EP400: variants seen among roughly 807,000 people sequenced by gnomAD.
The protein encoded by EP400 is E1A-binding protein p400.
Under a neutral mutation model 354.1 loss-of-function variants are expected in EP400, and 105 were observed. The observed-to-expected ratio is 0.30, with a 90% CI of 0.25 to 0.35. EP400 has a LOEUF of 0.35. EP400 is among the 10% of genes least tolerant of loss of function. The probability of loss-of-function intolerance (pLI) is 1.00; values close to 1 mark genes in which losing one functional copy is unlikely to be tolerated. For missense variants in EP400, 3,280 were observed against 4,121.0 expected, an observed-to-expected ratio of 0.80 and a Z score of 5.59; for synonymous variants, 1,646 against 1,716.9, an observed-to-expected ratio of 0.96 and a Z score of 1.02.
chr12:131,950,802 G>C lies in EP400; in HGVS notation c.-36+766G>C, dbSNP rs1242868597. Among the ~76,000 whole-genome samples, 8 of 152,364 alleles carry C rather than the reference G, an allele frequency of 5.3e-5. No individual in the cohort carries two copies. The East Asian group carries it at 1.5e-3, about 29-fold the overall frequency. On this transcript the variant is annotated intron_variant, in intron 1 of 52. Coordinates refer to ENST00000389561, the MANE Select transcript of EP400 (RefSeq NM_015409.5). ...GGGGTCTCGCTCTGTTGCCCAGGTT[G>C]GCGTGCAGTGGCGCGATGACGGCTC...
rs1010614425 is a variant in EP400 at position 132,071,089 on chromosome 12, C to G, written c.9021+1448C>G. Among the ~76,000 whole-genome samples the G allele has an allele frequency of 2.0e-4, 31 of 152,192 alleles. 1 individual carries two copies. Among genetic ancestry groups the G allele is most frequent in the Admixed American group, 2.0e-3 (31 of 15,272 alleles). Reference sequence around the variant, plus strand: ...GCAGCACAGTGGTGAATGTCAGAGTCCGTATTTCACTGTGAAGTAGGGTGT... The same window carrying G: ...GCAGCACAGTGGTGAATGTCAGAGTGCGTATTTCACTGTGAAGTAGGGTGT... On this transcript the variant is annotated intron_variant, in intron 51 of 52. Transcript: ENST00000389561.
chr12:131,986,881 T>C, intron 6 of EP400, 74 bp downstream of exon 6: 1 of 1,506,302 alleles, frequency 6.6e-7, no homozygotes. Flanking sequence ...GTCAAGAATG[T>C]GATGGCGTAA....
intron 2 of EP400, among the ~76,000 whole-genome samples, chr12:131,979,193 C>T (rs924020154): frequency 2.2e-4 from 32 of 144,324 alleles, no homozygotes; most frequent in Admixed American, 1.3e-3. Context: ...GCCTGGGTGA[C>T]AGAGCGAGAC....
At chr12:131,960,019 G>A (rs939938631) in intron 1 of EP400, among the ~76,000 whole-genome samples, 3 of 152,234 alleles carry the variant, frequency 2.0e-5, no homozygotes, top group African/African-American at 4.8e-5. Flanking sequence ...TTCTGGCGAG[G>A]TGGTGCTGCA....
chr12:131,970,896 T>C (rs1342332902), intron 2 of EP400, among the ~76,000 whole-genome samples: 1 of 152,186 alleles, frequency 6.6e-6, no homozygotes, highest in African/African-American at 2.4e-5. Context: ...AAGTTCCAAG[T>C]ATACAGTGCA....
chr12:131,982,980 A>AC (rs1164459219), intron 5 of EP400, among the ~76,000 whole-genome samples: 1 of 151,156 alleles, frequency 6.6e-6, no homozygotes, highest in African/African-American at 2.5e-5. Flanking sequence ...AAAAAAAAAA[A>AC]AAAAATAATA....
chr12:132,054,910 T>G lies in EP400; in HGVS notation c.7729-64T>G. The G allele has an allele frequency of 1.3e-6, 2 of 1,523,300 alleles. No homozygotes were observed. Among genetic ancestry groups the G allele is most frequent in the Non-Finnish European group, 1.8e-6 (2 of 1,099,892 alleles). 94.4% of individuals were successfully genotyped at this position (1,523,300 alleles called of 1,614,324 possible). A position where few individuals can be genotyped will look rare whatever the true frequency, so the allele number is the denominator to read the frequency against. ...TTGATTCTGAATGAAGTGGAAGCCTTTGGAGGATTTATGCAGGGGAGAGCC... is the reference window on the plus strand; with the variant it reads ...TTGATTCTGAATGAAGTGGAAGCCTGTGGAGGATTTATGCAGGGGAGAGCC... On this transcript the variant is annotated intron_variant, in intron 43 of 52. Transcript: ENST00000389561. This position sits in a 1 kb window ranked among gnomAD's most constrained non-coding sequence, Gnocchi z 4.0.
At chr12:131,989,094 C>G (rs1286623596) in intron 7 of EP400, among the ~76,000 whole-genome samples, 1 of 152,186 alleles carries the variant, frequency 6.6e-6, no homozygotes, top group African/African-American at 2.4e-5. Flanking sequence ...GTGTAGATGC[C>G]AGGCTGGACA....
In EP400 at chr12:132,075,291, C is replaced by T. The variant is rs777269585; in HGVS notation, c.9022-1225C>T. Among the ~76,000 whole-genome samples, 7 of 151,606 alleles carry T rather than the reference C, an allele frequency of 4.6e-5. No homozygotes were observed. Among genetic ancestry groups the T allele is most frequent in the African/African-American group, 7.3e-5 (3 of 41,258 alleles). ...CTGTGTCCTGTGCGACCCTGGAGATCACGGGGTGCGTCTCCATGTGGCCAG... is the reference window on the plus strand; with the variant it reads ...CTGTGTCCTGTGCGACCCTGGAGATTACGGGGTGCGTCTCCATGTGGCCAG... On this transcript the variant is annotated intron_variant, in intron 51 of 52. Transcript: ENST00000389561. This position sits in a 1 kb window ranked among gnomAD's most constrained non-coding sequence, Gnocchi z 4.5.
At chr12:131,998,700 C>CA (rs563689935) in intron 12 of EP400, among the ~76,000 whole-genome samples, 2 of 107,164 alleles carry the variant, frequency 1.9e-5, no homozygotes, top group East Asian at 3.5e-4. Context: ...ACTTTGTATA[C>CA]AGTCTTGTAT....
chr12:132,050,271 CCGTCTGT>C lies in EP400; in HGVS notation c.7201-50_7201-44del. 1 of 1,601,522 alleles carries C rather than the reference CCGTCTGT, an allele frequency of 6.2e-7. No individual in the cohort carries two copies. Among genetic ancestry groups the C allele is most frequent in the Non-Finnish European group, 8.5e-7 (1 of 1,171,820 alleles). On this transcript the variant is annotated intron_variant, in intron 39 of 52. Transcript: ENST00000389561. This position sits in a 1 kb window ranked among gnomAD's most constrained non-coding sequence, Gnocchi z 4.8. Reference sequence around the variant, plus strand: ...CCAGTGAGCCCTGTGTCCCACGCAGCCGTCTGTCCATGCTGCCTAATTCAGATGCACT... The same window carrying C: ...CCAGTGAGCCCTGTGTCCCACGCAGCCCATGCTGCCTAATTCAGATGCACT...
In EP400 at chr12:132,017,300, GT is replaced by G. The variant is rs1354695277; in HGVS notation, c.3924-234del. 6.6e-6 allele frequency among the ~76,000 whole-genome samples: 1 copy of G among 152,172 alleles called. No homozygotes were observed. The highest frequency in any genetic ancestry group is 1.5e-5 in the Non-Finnish European group (1 of 68,014). ...TGATTGTGAATGAAGTGGAGTGGCT[GT>G]CTTTCCGTCAGCTCTGGTGGGGCGG... On this transcript the variant is annotated intron_variant, in intron 19 of 52. Transcript: ENST00000389561. This position sits in a 1 kb window ranked among gnomAD's most constrained non-coding sequence, Gnocchi z 5.0.
intron 48 of EP400, chr12:132,066,056 T>C (rs1895880816): frequency 6.6e-6 from 1 of 152,236 alleles, no homozygotes; most frequent in Non-Finnish European, 1.5e-5. Flanking sequence ...ATTAAGTAAA[T>C]GATGTATCAT....
chr12:131,963,770 G>A lies in EP400; in HGVS notation c.1335+1816G>A, dbSNP rs1891980891. The stretch of plus-strand genomic sequence containing the variant: ...AGAGCCCATTTCTTATTTTTCAACA[G>A]TAAAAAATCTTCCTGCGTATACAAT... On this transcript the variant is annotated intron_variant, in intron 2 of 52. Transcript: ENST00000389561. 4 of 663,438 alleles carry A rather than the reference G, an allele frequency of 6.0e-6. No homozygotes were observed. In the Admixed American group the frequency reaches 1.2e-4, roughly 21 times the overall value. The allele number at this position is 663,438 out of a possible 1,614,324, so 41.1% of individuals were successfully genotyped here.
At chr12:131,979,558 T>C in intron 2 of EP400, 136 bp from the exon 3 acceptor site, 1 of 656,458 alleles carries the variant, frequency 1.5e-6, no homozygotes, top group South Asian at 2.3e-5. Context: ...CATGTATATT[T>C]AAAGACACGG....
Position 132,056,795 on chromosome 12 carries a change from C to T in EP400, c.7884+1587C>T, listed in dbSNP as rs565481634. 1.2e-3 allele frequency among the ~76,000 whole-genome samples: 189 copies of T among 152,202 alleles called. 1 individual carries two copies. Among genetic ancestry groups the T allele is most frequent in the Non-Finnish European group, 2.3e-3 (157 of 68,008 alleles). ...TGCTCCTTGAGAAATAGTAAGAAAA[C>T]GAAAAGCATAGACTGGGAGAAAATA... On this transcript the variant is annotated intron_variant, in intron 45 of 52. Coordinates refer to ENST00000389561, the MANE Select transcript of EP400 (RefSeq NM_015409.5).
chr12:131,975,622 T>C (rs1892447768), intron 2 of EP400, among the ~76,000 whole-genome samples: 1 of 152,024 alleles, frequency 6.6e-6, no homozygotes, highest in Admixed American at 6.6e-5. Context: ...TGTGGTGGCG[T>C]TCTTTCGGCT....
In EP400 at chr12:131,986,745, G is replaced by T. The variant is rs776043842; in HGVS notation, c.2161G>T (p.Ala721Ser). The change falls in exon 6 of 53, where the codon GCT becomes TCT. Residue 721 changes from alanine to serine, a missense_variant. Physicochemically the swap from Ala to Ser is moderately conservative, Grantham distance 99. Around this residue, in one of 20 missense-constraint regions of EP400, gnomAD observed 800 missense variants for 840.0 expected, o/e 0.95. Transcript: ENST00000389561. ...TGCCCCCACCAAACCACAGAGTCCT[G>T]CTCAGAATGCCACCTCGTCCCAAGA... ...ASAPTKPQSP[A>S]QNATSSQDSS... The T allele has an allele frequency of 1.2e-6, 2 of 1,614,114 alleles. No homozygotes were observed. The highest frequency in any genetic ancestry group is 2.7e-5 in the African/African-American group (2 of 74,932).
At chr12:132,065,372 CAGG>C in intron 48 of EP400, 1 of 159,722 alleles carries the variant, frequency 6.3e-6, no homozygotes, top group Admixed American at 5.9e-5. Flanking sequence ...TGGCTCTCAG[CAGG>C]TGCCAGCGTC....
Sources: allele counts gnomAD v4.1 joint callset (sites outside exome capture counted in the v4.1 genomes callset), GRCh38; gene constraint gnomAD v4.1.1; regional missense constraint gnomAD v4.1.1; non-coding constraint Gnocchi (gnomAD v3.1); transcripts MANE v1.5; gene names NCBI Gene and HGNC (gene_info 2026-07-23, HGNC 2026-07-21).